Variants in TMEM132C observed in about 807,000 individuals in gnomAD.
TMEM132C encodes transmembrane protein 132C, also known as protein phosphatase 1, regulatory subunit 152.
In TMEM132C, 29 loss-of-function variants were observed where a neutral mutation model predicts 61.4. The observed-to-expected ratio is 0.47, with a 90% CI of 0.35 to 0.64. The LOEUF (loss-of-function observed/expected upper bound fraction) is 0.64. Ranked by LOEUF, TMEM132C falls within the 30% of genes least tolerant of loss-of-function variation. The pLI is 0.00. For synonymous variants in TMEM132C, 656 were observed against 633.1 expected (o/e 1.04, Z -0.54); for missense variants, 1,408 against 1,476.9 (o/e 0.95, Z 0.76).
At position 128,278,177 on chromosome 12, in the gene TMEM132C, CAG is replaced by C. The variant is rs1360616920; in HGVS notation, c.85+10691_85+10692del. Among the ~76,000 whole-genome samples, 1 of 152,150 alleles carries C rather than the reference CAG, an allele frequency of 6.6e-6. No individual in the cohort carries two copies. Among genetic ancestry groups the C allele is most frequent in the Non-Finnish European group, 1.5e-5 (1 of 68,024 alleles). On this transcript the variant is annotated intron_variant, in intron 1 of 8. Coordinates refer to ENST00000435159, the MANE Select transcript of TMEM132C (RefSeq NM_001136103.3). The surrounding 1 kb of genome is among the most constrained non-coding windows in gnomAD (Gnocchi z 4.2). Reference sequence around the variant, plus strand: ...TCCTGATTTAGGAGAACAAAAATCTCAGGGGAAGTCTATGTTTCGGGGCATTT... The same window carrying C: ...TCCTGATTTAGGAGAACAAAAATCTCGGGAAGTCTATGTTTCGGGGCATTT...
chr12:128,428,739 A>G (rs1047526427), intron 2 of TMEM132C, among the ~76,000 whole-genome samples: 5 of 152,306 alleles, frequency 3.3e-5, no homozygotes, highest in African/African-American at 9.6e-5. Context: ...GTAAATTCAG[A>G]GATGGACAAC....
At chr12:128,289,314 G>A (rs911135095) in intron 1 of TMEM132C, among the ~76,000 whole-genome samples, 4 of 152,138 alleles carry the variant, frequency 2.6e-5, no homozygotes, top group Admixed American at 6.5e-5. Context: ...ACACACATAC[G>A]TGAATGCAGC....
intron 3 of TMEM132C, among the ~76,000 whole-genome samples, chr12:128,584,592 TC>T (rs1267873748): frequency 1.3e-5 from 2 of 152,292 alleles, no homozygotes; most frequent in Non-Finnish European, 2.9e-5. Context: ...GTAACAGGCA[TC>T]CCCAACGTGC....
chr12:128,343,421 T>TAA (rs71449345), intron 1 of TMEM132C, among the ~76,000 whole-genome samples: 6 of 136,586 alleles, frequency 4.4e-5, no homozygotes, highest in African/African-American at 1.6e-4. Flanking sequence ...AGACTCAGTC[T>TAA]AAAAAAAAAA....
intron 1 of TMEM132C, among the ~76,000 whole-genome samples, chr12:128,375,667 T>A (rs1204094348): frequency 6.6e-6 from 1 of 152,124 alleles, no homozygotes; most frequent in African/African-American, 2.4e-5. Flanking sequence ...CCAAATAAGA[T>A]CAATTCATAA....
intron 4 of TMEM132C, among the ~76,000 whole-genome samples, chr12:128,657,799 T>A (rs1289674753): frequency 6.6e-6 from 1 of 151,928 alleles, no homozygotes; most frequent in Non-Finnish European, 1.5e-5. Context: ...AGCAACTTGG[T>A]GAATCAGGAC....
At chr12:128,687,990 G>A (rs1954690698) in intron 5 of TMEM132C, among the ~76,000 whole-genome samples, 1 of 152,020 alleles carries the variant, frequency 6.6e-6, no homozygotes, top group Admixed American at 6.6e-5. Context: ...GGTTTGTGTG[G>A]ACCATCTGTT....
In TMEM132C at chr12:128,544,621, AT is replaced by A. The variant is rs1873885832; in HGVS notation, c.1121+519del. ...AAAAGCAATTCAGACTCATTTTAGAATATGAGGAAAGCACAATTATAGCGGG... is the reference window on the plus strand; with the variant it reads ...AAAAGCAATTCAGACTCATTTTAGAAATGAGGAAAGCACAATTATAGCGGG... On this transcript the variant is annotated intron_variant, in intron 3 of 8. Transcript: ENST00000435159. 2.8e-5 allele frequency among the ~76,000 whole-genome samples: 4 copies of A among 140,460 alleles called. No homozygotes were observed. In the South Asian group the frequency reaches 9.4e-4, roughly 33 times the overall value. The allele number at this position is 140,460 out of a possible 152,430, so 92.1% of individuals were successfully genotyped here.
intron 1 of TMEM132C, among the ~76,000 whole-genome samples, chr12:128,330,383 C>T (rs1271732852): frequency 6.6e-6 from 1 of 152,092 alleles, no homozygotes; most frequent in African/African-American, 2.4e-5. Context: ...ATACAAGCAA[C>T]ATTTTTTAAA....
chr12:128,563,104 A>T (rs1022921160), intron 3 of TMEM132C, among the ~76,000 whole-genome samples: 1 of 152,272 alleles, frequency 6.6e-6, no homozygotes, highest in African/African-American at 2.4e-5. Flanking sequence ...AGCTGTGCCT[A>T]GCTGCAAGGG....
intron 2 of TMEM132C, among the ~76,000 whole-genome samples, chr12:128,499,650 C>T (rs1043115802): frequency 5.9e-5 from 9 of 152,188 alleles, no homozygotes; most frequent in South Asian, 2.1e-4. Context: ...ATTTGTCTTT[C>T]TGTGCCTGGC....
chr12:128,414,632 A>G lies in TMEM132C; in HGVS notation c.86-100A>G, dbSNP rs1216586394. 3.9e-6 allele frequency: 5 copies of G among 1,284,210 alleles called. No homozygotes were observed. In the African/African-American group the frequency reaches 7.5e-5, roughly 19 times the overall value. The allele number at this position is 1,284,210 out of a possible 1,614,324, so 79.6% of individuals were successfully genotyped here. A position where few individuals can be genotyped will look rare whatever the true frequency, so the allele number is the denominator to read the frequency against. ...TAGCCAAGTGGGCTTCAGAATTTCT[A>G]TCCCTCATTTCTAAATGGCTTACAG... On this transcript the variant is annotated intron_variant, in intron 1 of 8. Coordinates refer to ENST00000435159, the MANE Select transcript of TMEM132C (RefSeq NM_001136103.3).
At chr12:128,696,945 T>G (rs531819062) in intron 7 of TMEM132C, among the ~76,000 whole-genome samples, 2 of 152,316 alleles carry the variant, frequency 1.3e-5, no homozygotes, top group South Asian at 4.2e-4. Context: ...GCATACTTCA[T>G]CTAAATAGGA....
At chr12:128,657,745 A>C (rs1954341024) in intron 4 of TMEM132C, among the ~76,000 whole-genome samples, 1 of 152,206 alleles carries the variant, frequency 6.6e-6, no homozygotes, top group African/African-American at 2.4e-5. Context: ...TCTGTTACAG[A>C]AAAATGGAAC....
chr12:128,532,376 C>T (rs1262470576), intron 2 of TMEM132C, among the ~76,000 whole-genome samples: 2 of 151,756 alleles, frequency 1.3e-5, no homozygotes, highest in Non-Finnish European at 2.9e-5. Context: ...CAGTGGCTCA[C>T]ACCTGTAATC....
intron 5 of TMEM132C, among the ~76,000 whole-genome samples, chr12:128,675,281 C>A (rs1024125802): frequency 2.0e-5 from 3 of 152,006 alleles, no homozygotes; most frequent in Non-Finnish European, 2.9e-5. Context: ...TTTTGCATAC[C>A]AACTCATTTA....
At chr12:128,698,322 C>T (rs1954780130) in intron 8 of TMEM132C, among the ~76,000 whole-genome samples, 1 of 152,166 alleles carries the variant, frequency 6.6e-6, no homozygotes, top group African/African-American at 2.4e-5. Flanking sequence ...CCAGGATGGG[C>T]TCGTCTGACC....
intron 2 of TMEM132C, among the ~76,000 whole-genome samples, chr12:128,491,710 G>A (rs1012394323): frequency 3.3e-5 from 5 of 151,996 alleles, no homozygotes; most frequent in Non-Finnish European, 5.9e-5. Flanking sequence ...TTTGGCTACC[G>A]CTCCTTGGTT....
chr12:128,359,151 A>T (rs1038056226), intron 1 of TMEM132C, among the ~76,000 whole-genome samples: 7 of 152,214 alleles, frequency 4.6e-5, no homozygotes, highest in African/African-American at 1.7e-4. Flanking sequence ...TCGCTTTGTC[A>T]TTGTACCTGC....
Sources: gnomAD v4.1 joint callset for allele counts (sites outside exome capture counted in the v4.1 genomes callset) on GRCh38, gnomAD v4.1.1 for gene constraint, Gnocchi (gnomAD v3.1) non-coding constraint, MANE v1.5 for transcripts, NCBI Gene and HGNC (gene_info 2026-07-23, HGNC 2026-07-21) for gene names.